Variants in TRAPPC9 observed in about 807,000 individuals in gnomAD.
TRAPPC9 encodes the protein IKK2 binding protein.
In TRAPPC9, 83 loss-of-function variants were observed where a neutral mutation model predicts 124.0. The ratio of observed to expected loss-of-function variants is 0.67; its 90% CI spans 0.56 to 0.80. The LOEUF is 0.80. TRAPPC9 is among the 30% of genes least tolerant of loss of function. TRAPPC9 has a pLI of 0.00. For missense variants in TRAPPC9, 1,302 were observed against 1,508.3 expected (o/e 0.86, Z 2.27); for synonymous variants, 638 against 617.5 (o/e 1.03, Z -0.49).
At chr8:140,226,819 C>A (rs2063465586) in intron 16 of TRAPPC9, among the ~76,000 whole-genome samples, 1 of 151,220 alleles carries the variant, frequency 6.6e-6, no homozygotes, top group South Asian at 2.1e-4. Flanking sequence ...TGTTTTAGAA[C>A]TAGGAGGCTG....
In TRAPPC9 at chr8:140,030,086, C is replaced by A. The variant is rs568781357; in HGVS notation, c.2557-6007G>T. Among the ~76,000 whole-genome samples the A allele has an allele frequency of 1.4e-4, 21 of 152,130 alleles. 1 individual carries two copies. The highest frequency in any genetic ancestry group is 4.8e-4 in the African/African-American group (20 of 41,518). On this transcript the variant is annotated intron_variant, in intron 17 of 22. Transcript: ENST00000438773. ...ATAATAGTTGACGAAATTCAAAACC[C>A]ATTTATAGTTTTTTAAAAACTCTCA...
chr8:139,973,677 G>A (rs898687745), intron 19 of TRAPPC9, among the ~76,000 whole-genome samples: 14 of 152,208 alleles, frequency 9.2e-5, no homozygotes, highest in African/African-American at 2.7e-4. Flanking sequence ...CGGAAGGCAC[G>A]GGTGAAACCA....
intron 19 of TRAPPC9, among the ~76,000 whole-genome samples, chr8:139,957,351 G>A (rs1303873631): frequency 6.6e-6 from 1 of 152,242 alleles, no homozygotes; most frequent in African/African-American, 2.4e-5. Flanking sequence ...GAGGGGAACA[G>A]CAGGCAACCT....
intron 21 of TRAPPC9, among the ~76,000 whole-genome samples, chr8:139,749,342 T>A (rs1400036362): frequency 6.6e-6 from 1 of 152,204 alleles, no homozygotes; most frequent in Non-Finnish European, 1.5e-5. Flanking sequence ...GGACAGACGA[T>A]AAGATGGCCT....
chr8:139,811,827 C>A (rs901185671), intron 21 of TRAPPC9, among the ~76,000 whole-genome samples: 2 of 152,104 alleles, frequency 1.3e-5, no homozygotes. Flanking sequence ...TTTGGACATG[C>A]AATATTTCAA....
chr8:140,148,618 C>T (rs749901005), intron 17 of TRAPPC9, among the ~76,000 whole-genome samples: 7 of 152,182 alleles, frequency 4.6e-5, no homozygotes, highest in Non-Finnish European at 7.3e-5. Context: ...TCAGTGAAAG[C>T]TTCATGTCCC....
intron 20 of TRAPPC9, among the ~76,000 whole-genome samples, chr8:139,894,608 A>G (rs547020598): frequency 6.6e-6 from 1 of 152,276 alleles, no homozygotes; most frequent in East Asian, 1.9e-4. Flanking sequence ...CACAGAACAG[A>G]GCAACTTCCT....
At chr8:140,255,170 T>TC (rs2131521166) in intron 15 of TRAPPC9, among the ~76,000 whole-genome samples, 1 of 152,312 alleles carries the variant, frequency 6.6e-6, no homozygotes, top group East Asian at 1.9e-4. Context: ...GAGAGACAGA[T>TC]CCAGGGGACA....
chr8:140,167,731 T>G (rs751015760), intron 17 of TRAPPC9, among the ~76,000 whole-genome samples: 4 of 152,226 alleles, frequency 2.6e-5, no homozygotes, highest in Non-Finnish European at 4.4e-5. Context: ...TTCATAGGCA[T>G]GAATATGTAT....
At chr8:139,929,501 C>T (rs933098272) in intron 19 of TRAPPC9, among the ~76,000 whole-genome samples, 1 of 151,348 alleles carries the variant, frequency 6.6e-6, no homozygotes, top group Non-Finnish European at 1.5e-5. Context: ...TTTGGAAGGC[C>T]GAGGTGGGCG....
At chr8:140,315,480 A>C (rs1456929626) in intron 9 of TRAPPC9, among the ~76,000 whole-genome samples, 3 of 152,102 alleles carry the variant, frequency 2.0e-5, no homozygotes, top group Non-Finnish European at 4.4e-5. Flanking sequence ...AAAATTTTAT[A>C]GTTTATAAAA....
chr8:140,275,638 A>G lies in TRAPPC9; in HGVS notation c.2278+20T>C. On this transcript the variant is annotated intron_variant, in intron 15 of 22. Transcript: ENST00000438773. ...AACAATACAAACATTCCCAGGGTCA[A>G]AGCTGCTTACAATACCTACCTTTAG... 6.2e-7 allele frequency: 1 copy of G among 1,613,214 alleles called. No homozygotes were observed. Among genetic ancestry groups the G allele is most frequent in the Non-Finnish European group, 8.5e-7 (1 of 1,179,152 alleles).
intron 21 of TRAPPC9, among the ~76,000 whole-genome samples, chr8:139,763,436 G>T (rs1820367233): frequency 6.6e-6 from 1 of 152,278 alleles, no homozygotes; most frequent in African/African-American, 2.4e-5. Flanking sequence ...TCTCCCGTGG[G>T]GACATGTTAG....
chr8:140,016,450 CCA>C (rs1490426554), intron 18 of TRAPPC9, among the ~76,000 whole-genome samples: 3 of 152,160 alleles, frequency 2.0e-5, no homozygotes, highest in Middle Eastern at 3.2e-3. Flanking sequence ...AATTCCTGCC[CCA>C]CGTTACCTTA....
intron 16 of TRAPPC9, among the ~76,000 whole-genome samples, chr8:140,229,810 G>A (rs565787566): frequency 1.3e-5 from 2 of 152,098 alleles, no homozygotes; most frequent in South Asian, 4.2e-4. Context: ...CACCAGCCTT[G>A]GCCTCCCAAA....
intron 15 of TRAPPC9, among the ~76,000 whole-genome samples, chr8:140,275,060 C>T (rs1563907516): frequency 6.6e-6 from 1 of 152,160 alleles, no homozygotes; most frequent in African/African-American, 2.4e-5. Context: ...TTGATCAATG[C>T]ACTCGCCAGC....
chr8:140,351,375 GT>G (rs34577924), intron 9 of TRAPPC9, among the ~76,000 whole-genome samples: 28,668 of 147,482 alleles, frequency 0.19, 3,721 homozygotes, highest in East Asian at 0.66. Context: ...AACGTGTGTA[GT>G]TTTTTTTTTT....
At chr8:139,744,792 T>C (rs931986764) in intron 21 of TRAPPC9, among the ~76,000 whole-genome samples, 1 of 152,230 alleles carries the variant, frequency 6.6e-6, no homozygotes, top group African/African-American at 2.4e-5. Flanking sequence ...CGAGAACAGC[T>C]CCTGAGGAGC....
chr8:140,311,025 G>A (rs1366723436), intron 10 of TRAPPC9, among the ~76,000 whole-genome samples: 1 of 152,114 alleles, frequency 6.6e-6, no homozygotes, highest in Non-Finnish European at 1.5e-5. Context: ...CATTTAGTGG[G>A]CATGGAATTG....
Sources: gnomAD v4.1 joint callset for allele counts (sites outside exome capture counted in the v4.1 genomes callset) on GRCh38, gnomAD v4.1.1 for gene constraint, MANE v1.5 for transcripts, NCBI Gene and HGNC (gene_info 2026-07-23, HGNC 2026-07-21) for gene names.